Variants in SLC39A11 observed in about 807,000 individuals in gnomAD.
The protein encoded by SLC39A11 is solute carrier family 39 member 11.
Under a neutral mutation model 36.1 loss-of-function variants are expected in SLC39A11, and 33 were observed. The observed-to-expected ratio is 0.91, with a 90% CI of 0.69 to 1.22. SLC39A11 has a LOEUF of 1.22. Ranked by LOEUF, SLC39A11 falls within the 50% of genes most tolerant of loss-of-function variation. SLC39A11 has a pLI of 0.00. For synonymous variants in SLC39A11, 166 were observed against 170.3 expected (o/e 0.97, Z 0.20); for missense variants, 432 against 430.3 (o/e 1.00, Z -0.03).
rs576851170 is a variant in SLC39A11, at chr17:72,879,391, C to A, written c.431-29587G>T. ...ACTCTTATCACTCATACAAAAGATTCTCTTATCAACTCCAGAGATTCCATG... is the reference window on the plus strand; with the variant it reads ...ACTCTTATCACTCATACAAAAGATTATCTTATCAACTCCAGAGATTCCATG... On this transcript the variant is annotated intron_variant, in intron 5 of 9. Coordinates refer to ENST00000255559, the MANE Select transcript of SLC39A11 (RefSeq NM_139177.4). Among the ~76,000 whole-genome samples the A allele has an allele frequency of 5.3e-5, 8 of 152,328 alleles. No homozygotes were observed. The South Asian group carries it at 1.5e-3, about 28-fold the overall frequency.
rs192699213 is a variant in SLC39A11, at chr17:72,785,926, G to A, written c.602-49207C>T. Among the ~76,000 whole-genome samples the A allele has an allele frequency of 1.3e-4, 20 of 148,698 alleles. No individual in the cohort carries two copies. In the East Asian group the frequency reaches 2.9e-3, roughly 22 times the overall value. ...TATGTTAGCTTGGCTAGAAATGATC[G>A]TTTATGCTTAAAAAAAATTAAATTT... On this transcript the variant is annotated intron_variant, in intron 6 of 9. Transcript: ENST00000255559.
At chr17:72,649,553 T>C (rs926742837) in intron 7 of SLC39A11, among the ~76,000 whole-genome samples, 5 of 152,248 alleles carry the variant, frequency 3.3e-5, no homozygotes, top group Admixed American at 6.5e-5. Context: ...TGGCTGGCTC[T>C]CAGGGTGCCC....
At chr17:72,679,415 A>C (rs1418353633) in intron 7 of SLC39A11, among the ~76,000 whole-genome samples, 1 of 152,200 alleles carries the variant, frequency 6.6e-6, no homozygotes, top group Non-Finnish European at 1.5e-5. Context: ...ATAAAATAAA[A>C]GAATAGTGCT....
intron 5 of SLC39A11, among the ~76,000 whole-genome samples, chr17:72,939,441 G>A (rs116173497): frequency 0.024 from 3,354 of 142,048 alleles, 120 homozygotes; most frequent in African/African-American, 0.081. Flanking sequence ...CCTGGTGACA[G>A]AGTAAGGTTC....
intron 5 of SLC39A11, among the ~76,000 whole-genome samples, chr17:72,900,153 A>AAAAGAAAGAAAGAAAGAAAG (rs201428795): frequency 1.6e-5 from 1 of 61,296 alleles, no homozygotes; most frequent in Admixed American, 1.7e-4. Flanking sequence ...AGAAAGAAAG[A>AAAAGAAAGAAAGAAAGAAAG]AAAGAAAGAA....
intron 8 of SLC39A11, 84 bp from the exon 9 acceptor site, chr17:72,649,045 C>A: frequency 6.4e-7 from 1 of 1,551,716 alleles, no homozygotes; most frequent in Non-Finnish European, 8.8e-7. Context: ...TCAACCCTAG[C>A]ACATGGATGC....
intron 4 of SLC39A11, among the ~76,000 whole-genome samples, chr17:72,981,951 A>G (rs1476910876): frequency 6.6e-6 from 1 of 152,208 alleles, no homozygotes; most frequent in Non-Finnish European, 1.5e-5. Context: ...GACTAATAAG[A>G]CAAAGCTGTA....
chr17:73,026,766 T>C (rs1429415026), intron 4 of SLC39A11, among the ~76,000 whole-genome samples: 1 of 151,906 alleles, frequency 6.6e-6, no homozygotes, highest in Non-Finnish European at 1.5e-5. Flanking sequence ...ACACACACAC[T>C]ACCCTCCTCC....
chr17:72,812,824 TG>T (rs888077633), intron 6 of SLC39A11, among the ~76,000 whole-genome samples: 3 of 152,110 alleles, frequency 2.0e-5, no homozygotes, highest in East Asian at 1.9e-4. Flanking sequence ...GCATTGTGCT[TG>T]GGGGGGTTTA....
intron 4 of SLC39A11, among the ~76,000 whole-genome samples, chr17:72,989,085 T>A (rs2088974785): frequency 6.6e-6 from 1 of 152,216 alleles, no homozygotes; most frequent in Non-Finnish European, 1.5e-5. Context: ...GAAATCTGCT[T>A]CACAACAATG....
intron 3 of SLC39A11, among the ~76,000 whole-genome samples, chr17:73,074,306 C>A (rs1007310958): frequency 8.5e-6 from 1 of 118,214 alleles, no homozygotes; most frequent in African/African-American, 3.1e-5. Context: ...TTCCCCCCAC[C>A]CCCCGCCCCA....
At chr17:73,049,061 A>G (rs1162407430) in intron 3 of SLC39A11, among the ~76,000 whole-genome samples, 1 of 152,234 alleles carries the variant, frequency 6.6e-6, no homozygotes, top group Non-Finnish European at 1.5e-5. Context: ...AATGCTATGT[A>G]TAAGTGAGCT....
At chr17:72,983,782 A>T (rs1196583999) in intron 4 of SLC39A11, among the ~76,000 whole-genome samples, 1 of 152,210 alleles carries the variant, frequency 6.6e-6, no homozygotes, top group African/African-American at 2.4e-5. Context: ...CAGACTCCAT[A>T]AAGATGCCCA....
chr17:72,807,358 C>G (rs1397008687), intron 6 of SLC39A11, among the ~76,000 whole-genome samples: 4 of 152,194 alleles, frequency 2.6e-5, no homozygotes, highest in Non-Finnish European at 4.4e-5. Flanking sequence ...TGGCACAGAG[C>G]TTCCCAAACT....
intron 3 of SLC39A11, among the ~76,000 whole-genome samples, chr17:73,064,901 AAC>A (rs1365597159): frequency 3.3e-5 from 5 of 152,068 alleles, no homozygotes; most frequent in Admixed American, 6.5e-5. Context: ...TAGGGGAAAA[AAC>A]ACAGTTTGGC....
chr17:72,863,945 A>T (rs1238820921), intron 5 of SLC39A11, among the ~76,000 whole-genome samples: 1 of 152,174 alleles, frequency 6.6e-6, no homozygotes, highest in Non-Finnish European at 1.5e-5. Context: ...AAACAGAAAA[A>T]CAGGGGAAAA....
rs138957402 is a variant in SLC39A11 at position 72,688,953 on chromosome 17, G to A, written c.672-39685C>T. On this transcript the variant is annotated intron_variant, in intron 7 of 9. Coordinates refer to ENST00000255559, the MANE Select transcript of SLC39A11 (RefSeq NM_139177.4). The stretch of plus-strand genomic sequence containing the variant: ...ACATCTGTCTATTCACACCCCGCAG[G>A]CTCTGGGTACCTCTACTCCCCAAGA... Among the ~76,000 whole-genome samples, 507 of 152,246 alleles carry A rather than the reference G, an allele frequency of 3.3e-3. 4 individuals are homozygous for A. The highest frequency in any genetic ancestry group is 0.012 in the African/African-American group (480 of 41,562).
intron 3 of SLC39A11, among the ~76,000 whole-genome samples, chr17:73,051,075 T>C (rs867477885): frequency 5.9e-5 from 9 of 152,324 alleles, no homozygotes; most frequent in Middle Eastern, 3.4e-3. Flanking sequence ...TTCTAGAAGT[T>C]AGAAATGCAA....
intron 4 of SLC39A11, among the ~76,000 whole-genome samples, chr17:72,962,080 A>AG (rs1370250547): frequency 3.5e-4 from 54 of 152,188 alleles, no homozygotes; most frequent in Non-Finnish European, 5.4e-4. Flanking sequence ...GTACTGAAGC[A>AG]GCTTGCTTCT....
Sources: allele counts gnomAD v4.1 joint callset (sites outside exome capture counted in the v4.1 genomes callset), GRCh38; gene constraint gnomAD v4.1.1; transcripts MANE v1.5; gene names NCBI Gene and HGNC (gene_info 2026-07-23, HGNC 2026-07-21).